GRIN2B: variants seen among roughly 807,000 people sequenced by gnomAD.
GRIN2B encodes the protein glutamate ionotropic receptor NMDA type subunit 2B.
Under a neutral mutation model 114.5 loss-of-function variants are expected in GRIN2B, and 5 were observed. The observed-to-expected ratio is 0.04, with a 90% CI of 0.02 to 0.09. GRIN2B has a LOEUF of 0.09. GRIN2B is among the 10% of genes least tolerant of loss of function. The pLI is 1.00. For missense variants in GRIN2B, 1,108 were observed against 1,943.5 expected, an observed-to-expected ratio of 0.57 and a Z score of 8.08; for synonymous variants, 787 against 745.1, an observed-to-expected ratio of 1.06 and a Z score of -0.92.
At chr12:13,759,145 C>T (rs904037630) in intron 3 of GRIN2B, among the ~76,000 whole-genome samples, 2 of 151,358 alleles carry the variant, frequency 1.3e-5, no homozygotes, top group Admixed American at 1.3e-4. Context: ...GTAGCTGGGA[C>T]TACAGATGCG....
intron 10 of GRIN2B, among the ~76,000 whole-genome samples, chr12:13,598,900 T>A (rs942884569): frequency 6.6e-5 from 10 of 152,258 alleles, no homozygotes; most frequent in Admixed American, 2.0e-4. Context: ...AGCCATGTGC[T>A]TTTTAAAGTG....
At chr12:13,843,347 G>T (rs1393243460) in intron 3 of GRIN2B, among the ~76,000 whole-genome samples, 3 of 151,904 alleles carry the variant, frequency 2.0e-5, no homozygotes, top group Non-Finnish European at 4.4e-5. Context: ...TCTGCATCAA[G>T]TACCCCTAGG....
At chr12:13,898,713 A>G (rs2136784740) in intron 2 of GRIN2B, among the ~76,000 whole-genome samples, 1 of 152,334 alleles carries the variant, frequency 6.6e-6, no homozygotes, top group Middle Eastern at 3.4e-3. Context: ...GGAGTTTGAG[A>G]CCAGCCTGAC....
intron 2 of GRIN2B, among the ~76,000 whole-genome samples, chr12:13,970,477 G>A (rs1042088996): frequency 2.6e-5 from 4 of 152,110 alleles, no homozygotes; most frequent in Non-Finnish European, 5.9e-5. Context: ...TTCAATGCAC[G>A]TTCATTTCCA....
At chr12:13,841,263 A>G (rs1865374090) in intron 3 of GRIN2B, among the ~76,000 whole-genome samples, 1 of 152,188 alleles carries the variant, frequency 6.6e-6, no homozygotes, top group African/African-American at 2.4e-5. Context: ...GCCGGAGCCT[A>G]AACTCTAACC....
chr12:13,679,803 T>C (rs1591672511), intron 4 of GRIN2B, among the ~76,000 whole-genome samples: 2 of 152,098 alleles, frequency 1.3e-5, no homozygotes, highest in East Asian at 3.9e-4. Flanking sequence ...ATTGGGGGTG[T>C]GGTCACTTCT....
chr12:13,944,287 T>C (rs763375990), intron 2 of GRIN2B, among the ~76,000 whole-genome samples: 31 of 152,182 alleles, frequency 2.0e-4, no homozygotes, highest in Non-Finnish European at 3.4e-4. Flanking sequence ...AAAGCCACTA[T>C]CTCAGTCATA....
chr12:13,624,485 A>G lies in GRIN2B; in HGVS notation c.1126-7828T>C, dbSNP rs555704403. 4.1e-4 allele frequency among the ~76,000 whole-genome samples: 63 copies of G among 152,362 alleles called. No homozygotes were observed. In the South Asian group the frequency reaches 6.2e-3, roughly 15 times the overall value. On this transcript the variant is annotated intron_variant, in intron 5 of 13. Coordinates refer to ENST00000609686, the MANE Select transcript of GRIN2B (RefSeq NM_000834.5). Reference sequence around the variant, plus strand: ...ATGGCACAATCTGCTGCAGTATCTAAAAAGGCCACTGGCATGGCTTTGATG... The same window carrying G: ...ATGGCACAATCTGCTGCAGTATCTAGAAAGGCCACTGGCATGGCTTTGATG...
intron 9 of GRIN2B, 128 bp downstream of exon 9, chr12:13,611,597 G>T: frequency 2.1e-6 from 2 of 938,594 alleles, no homozygotes; most frequent in Non-Finnish European, 1.8e-6. Flanking sequence ...ACTTAGAAAT[G>T]TTCACCTGAG....
chr12:13,778,357 G>T (rs556425935), intron 3 of GRIN2B, among the ~76,000 whole-genome samples: 3 of 152,102 alleles, frequency 2.0e-5, no homozygotes, highest in African/African-American at 4.8e-5. Context: ...AACTTTCTTC[G>T]ATCATATTAC....
At chr12:13,975,970 G>A (rs2032384475) in intron 2 of GRIN2B, among the ~76,000 whole-genome samples, 1 of 152,200 alleles carries the variant, frequency 6.6e-6, no homozygotes, top group African/African-American at 2.4e-5. Flanking sequence ...CAAAAATAAG[G>A]TGGAGAACAT....
chr12:13,757,669 C>T (rs1403402985), intron 3 of GRIN2B, among the ~76,000 whole-genome samples: 2 of 152,154 alleles, frequency 1.3e-5, no homozygotes, highest in Non-Finnish European at 2.9e-5. Context: ...CAACTCACCT[C>T]AAGAGCATCT....
chr12:13,917,376 G>A (rs897807623), intron 2 of GRIN2B, among the ~76,000 whole-genome samples: 3 of 152,156 alleles, frequency 2.0e-5, no homozygotes, highest in African/African-American at 4.8e-5. Context: ...CGATGGTGAC[G>A]CAAAACTTCC....
chr12:13,564,465 T>C lies in GRIN2B; in HGVS notation c.2773A>G (p.Ile925Val), dbSNP rs1948608311. The change falls in exon 14 of 14, where the codon ATC becomes GTC. Residue 925 changes from isoleucine (I) to valine (V), a missense_variant. By Grantham distance (29) the Ile-to-Val change is conservative. This residue lies in a region of GRIN2B where 140 missense variants were observed against 187.5 expected (regional missense o/e 0.75). Coordinates refer to ENST00000609686, the MANE Select transcript of GRIN2B (RefSeq NM_000834.5). The surrounding 1 kb of genome is among the most constrained non-coding windows in gnomAD (Gnocchi z 4.8). ...NGSPQSALDF[I>V]RRESSVYDIS... ...TCATAGACGGATGACTCCCGTCGGA[T>C]GAAGTCCAGGGCGCTCTGCGGTGAG... is the stretch of plus-strand genomic sequence containing the variant. 6.2e-7 allele frequency: 1 copy of C among 1,614,110 alleles called. No individual in the cohort carries two copies. Among genetic ancestry groups the C allele is most frequent in the Admixed American group, 1.7e-5 (1 of 60,014 alleles).
chr12:13,570,571 T>C (rs979672928), intron 11 of GRIN2B, among the ~76,000 whole-genome samples: 3 of 151,768 alleles, frequency 2.0e-5, no homozygotes, highest in Non-Finnish European at 2.9e-5. Context: ...AGCAGATGAG[T>C]GAAACTACAA....
intron 10 of GRIN2B, among the ~76,000 whole-genome samples, chr12:13,577,498 C>G (rs979011404): frequency 6.6e-6 from 1 of 152,128 alleles, no homozygotes; most frequent in African/African-American, 2.4e-5. Flanking sequence ...GGGTCCTGGG[C>G]TGTTTTGGCT....
chr12:13,794,405 C>T (rs1434890469), intron 3 of GRIN2B, among the ~76,000 whole-genome samples: 1 of 152,126 alleles, frequency 6.6e-6, no homozygotes, highest in Non-Finnish European at 1.5e-5. Flanking sequence ...TTTGCAAAGG[C>T]ACTGCTCTAC....
chr12:13,962,618 G>A (rs1455783143), intron 2 of GRIN2B, among the ~76,000 whole-genome samples: 4 of 152,118 alleles, frequency 2.6e-5, no homozygotes, highest in African/African-American at 9.7e-5. Context: ...TTACAGGCAG[G>A]AGTGAGACAA....
At chr12:13,960,130 A>T (rs1432155086) in intron 2 of GRIN2B, among the ~76,000 whole-genome samples, 1 of 151,786 alleles carries the variant, frequency 6.6e-6, no homozygotes, top group Non-Finnish European at 1.5e-5. Context: ...CCTGCTCCCC[A>T]CTCATGACAA....
Sources: gnomAD v4.1 joint callset for allele counts (sites outside exome capture counted in the v4.1 genomes callset) on GRCh38, gnomAD v4.1.1 for gene constraint, gnomAD v4.1.1 regional missense constraint, Gnocchi (gnomAD v3.1) non-coding constraint, MANE v1.5 for transcripts, NCBI Gene and HGNC (gene_info 2026-07-23, HGNC 2026-07-21) for gene names.